The following FAM13B variants were observed in gnomAD, a reference collection of about 807,000 sequenced individuals.
FAM13B encodes protein FAM13B.
A neutral mutation model predicts 117.3 loss-of-function variants in FAM13B; 60 were observed. That is an observed-to-expected ratio of 0.51 (90% CI 0.42 to 0.63). The LOEUF (loss-of-function observed/expected upper bound fraction) is 0.63, where lower values mean the gene tolerates loss of function less well. FAM13B is among the 30% of genes least tolerant of loss of function. FAM13B has a pLI of 0.00. For missense variants in FAM13B, 972 were observed against 1,091.9 expected (o/e 0.89, Z 1.55); for synonymous variants, 332 against 356.1 (o/e 0.93, Z 0.76).
chr5:137,955,067 A>C (rs989106341), intron 14 of FAM13B, among the ~76,000 whole-genome samples: 7 of 67,118 alleles, frequency 1.0e-4, no homozygotes, highest in Non-Finnish European at 1.9e-4. Context: ...TTTATTTACA[A>C]ATGTTAGTTT....
intron 10 of FAM13B, among the ~76,000 whole-genome samples, 167 bp from the exon 11 acceptor site, chr5:137,962,636 T>A (rs1352647132): frequency 6.6e-6 from 1 of 152,176 alleles, no homozygotes; most frequent in African/African-American, 2.4e-5. Context: ...AGAGAGTAAT[T>A]TATCTTCCCT....
Position 137,988,080 on chromosome 5 carries a change from A to G in FAM13B, c.890+194T>C, listed in dbSNP as rs561778849. Among the ~76,000 whole-genome samples, 448 of 152,318 alleles carry G rather than the reference A, an allele frequency of 2.9e-3. 1 individual carries two copies. Among genetic ancestry groups the G allele is most frequent in the Non-Finnish European group, 5.0e-3 (342 of 68,016 alleles). On this transcript the variant is annotated intron_variant, in intron 8 of 23. Coordinates refer to ENST00000689681, the MANE Select transcript of FAM13B (RefSeq NM_001385994.1). ...GGATTCAAAAAAACCATCTGAAGAA[A>G]GCTCATCTTTATTTTGTATAGTAAT...
chr5:138,047,455 G>T (rs551947113), intron 1 of FAM13B, among the ~76,000 whole-genome samples: 5 of 150,288 alleles, frequency 3.3e-5, no homozygotes, highest in Non-Finnish European at 5.9e-5. Flanking sequence ...GCAGTGAGCC[G>T]AGATCACACC....
At chr5:137,940,973 TC>T in intron 23 of FAM13B, among the ~76,000 whole-genome samples, 1 of 152,196 alleles carries the variant, frequency 6.6e-6, no homozygotes, top group Non-Finnish European at 1.5e-5. Flanking sequence ...TGGCGACATC[TC>T]AGCTCGCTGC....
At chr5:138,000,326 A>C (rs868327574) in intron 7 of FAM13B, among the ~76,000 whole-genome samples, 11 of 152,138 alleles carry the variant, frequency 7.2e-5, no homozygotes, top group South Asian at 2.1e-4. Flanking sequence ...TTGAGCCTGA[A>C]AGGTCAAGGC....
chr5:138,033,756 A>C (rs1026530590), upstream of FAM13B: 1 of 152,176 alleles, frequency 6.6e-6, no homozygotes, highest in Non-Finnish European at 1.5e-5. Context: ...CCATCCCTAC[A>C]ACTCCCTTGA....
Position 137,953,322 on chromosome 5 carries a change from T to C in FAM13B, c.1848+14A>G. The stretch of plus-strand genomic sequence containing the variant: ...ATTAGATTAAGCTCACTCTGGGGAA[T>C]GCTACAAACCTACCTTGCTATTTCT... On this transcript the variant is annotated intron_variant, in intron 16 of 23. Coordinates refer to ENST00000689681, the MANE Select transcript of FAM13B (RefSeq NM_001385994.1). 1 of 1,613,298 alleles carries C rather than the reference T, an allele frequency of 6.2e-7. No homozygotes were observed. The highest frequency in any genetic ancestry group is 1.7e-4 in the Middle Eastern group (1 of 6,054).
chr5:138,020,275 G>A (rs992007850), intron 2 of FAM13B, among the ~76,000 whole-genome samples: 18 of 152,112 alleles, frequency 1.2e-4, no homozygotes, highest in African/African-American at 4.3e-4. Flanking sequence ...GGCCAGGCTG[G>A]TCTTGAACTC....
intron 1 of FAM13B, among the ~76,000 whole-genome samples, chr5:138,029,671 C>T (rs1357716368): frequency 6.6e-6 from 1 of 152,194 alleles, no homozygotes; most frequent in Non-Finnish European, 1.5e-5. Context: ...CCTCCACCTC[C>T]CTGCTCACCC....
In FAM13B at chr5:137,939,924, G is replaced by A; in HGVS notation, c.*301C>T. On this transcript the variant is annotated 3_prime_UTR_variant, in exon 24 of 24. Coordinates refer to ENST00000689681, the MANE Select transcript of FAM13B (RefSeq NM_001385994.1). ...ATTTCCAAAGTTCTTGAAGTTGAAA[G>A]GATAAAATTCCAGTCTTTTGCTAAA... The A allele has an allele frequency of 1.5e-6, 2 of 1,336,042 alleles. No homozygotes were observed. Among genetic ancestry groups the A allele is most frequent in the Non-Finnish European group, 1.9e-6 (2 of 1,041,506 alleles). 82.8% of individuals were successfully genotyped at this position (1,336,042 alleles called of 1,614,324 possible).
chr5:137,969,490 T>TA (rs1771316293), intron 10 of FAM13B, among the ~76,000 whole-genome samples: 2 of 152,052 alleles, frequency 1.3e-5, no homozygotes, highest in Non-Finnish European at 2.9e-5. Context: ...CAAAGGTAGA[T>TA]AAAACCACAA....
chr5:137,993,469 AT>A (rs1468213146), intron 7 of FAM13B, among the ~76,000 whole-genome samples: 1 of 151,992 alleles, frequency 6.6e-6, no homozygotes, highest in Admixed American at 6.6e-5. Context: ...TATTTTTTTA[AT>A]TAAAAAATTA....
chr5:137,995,216 G>C (rs1779571227), intron 7 of FAM13B, among the ~76,000 whole-genome samples: 1 of 152,148 alleles, frequency 6.6e-6, no homozygotes, highest in South Asian at 2.1e-4. Context: ...GCAACATGAG[G>C]TCACTACTGA....
chr5:137,957,930 G>A (rs1012303016), intron 13 of FAM13B, among the ~76,000 whole-genome samples: 1 of 152,182 alleles, frequency 6.6e-6, no homozygotes, highest in Admixed American at 6.5e-5. Flanking sequence ...GAACGCTGAC[G>A]CTAGACAGAG....
At chr5:137,995,013 A>C (rs1779521791) in intron 7 of FAM13B, among the ~76,000 whole-genome samples, 1 of 152,256 alleles carries the variant, frequency 6.6e-6, no homozygotes, top group South Asian at 2.1e-4. Flanking sequence ...AGATCACTTT[A>C]CCAGTGCAAC....
At chr5:137,998,226 C>T (rs1413041452) in intron 7 of FAM13B, among the ~76,000 whole-genome samples, 2 of 152,132 alleles carry the variant, frequency 1.3e-5, no homozygotes, top group African/African-American at 4.8e-5. Flanking sequence ...AATGATGATG[C>T]AAAATCAATG....
intron 1 of FAM13B, among the ~76,000 whole-genome samples, chr5:138,026,938 CAAAT>C (rs36001323): frequency 0.37 from 50,069 of 137,056 alleles, 9,430 homozygotes; most frequent in East Asian, 0.53. Flanking sequence ...GACTCCATCT[CAAAT>C]AAATAAATAA....
chr5:138,030,114 C>T (rs1031865098), intron 1 of FAM13B, among the ~76,000 whole-genome samples: 4 of 152,194 alleles, frequency 2.6e-5, no homozygotes, highest in Admixed American at 6.5e-5. Flanking sequence ...CACTCTCCCA[C>T]GCTTCCTCCT....
intron 10 of FAM13B, among the ~76,000 whole-genome samples, chr5:137,976,192 T>G (rs1048622896): frequency 1.3e-5 from 2 of 152,018 alleles, no homozygotes; most frequent in African/African-American, 4.8e-5. Flanking sequence ...CCTGACTTCG[T>G]GATCCACCCA....
Sources: allele counts gnomAD v4.1 joint callset (sites outside exome capture counted in the v4.1 genomes callset), GRCh38; gene constraint gnomAD v4.1.1; transcripts MANE v1.5; gene names NCBI Gene and HGNC (gene_info 2026-07-23, HGNC 2026-07-21).